The following RIN3 variants were observed in gnomAD, a reference collection of about 807,000 sequenced individuals.
RIN3 encodes the protein RAB5 interacting protein 3.
Under a neutral mutation model 76.3 loss-of-function variants are expected in RIN3, and 54 were observed. That is an observed-to-expected ratio of 0.71 (90% CI 0.57 to 0.89). The LOEUF is 0.89. Ranked by LOEUF, RIN3 falls within the 40% of genes least tolerant of loss-of-function variation. The pLI, the probability that RIN3 is intolerant of heterozygous loss-of-function variation, is 0.00. For synonymous variants in RIN3, 576 were observed against 564.0 expected, an observed-to-expected ratio of 1.02 and a Z score of -0.30; for missense variants, 1,256 against 1,322.1, an observed-to-expected ratio of 0.95 and a Z score of 0.78.
intron 1 of RIN3, among the ~76,000 whole-genome samples, chr14:92,538,458 C>G (rs1181347048): frequency 1.3e-5 from 2 of 152,202 alleles, no homozygotes; most frequent in African/African-American, 2.4e-5. Context: ...CTTGGGCACA[C>G]TGTGGTAGAT....
chr14:92,529,943 C>T (rs1896840940), intron 1 of RIN3, among the ~76,000 whole-genome samples: 1 of 152,158 alleles, frequency 6.6e-6, no homozygotes, highest in Admixed American at 6.5e-5. Flanking sequence ...CAGAGACACA[C>T]ATAAAACAAG....
intron 1 of RIN3, among the ~76,000 whole-genome samples, chr14:92,551,254 T>TG (rs916651501): frequency 5.9e-5 from 9 of 152,202 alleles, no homozygotes; most frequent in Non-Finnish European, 1.0e-4. Flanking sequence ...ATAATGCTTC[T>TG]GAGATTCGTT....
Position 92,688,033 on chromosome 14 carries a change from C to T in RIN3, c.2739C>T (p.Phe913=), listed in dbSNP as rs374034469. Residue 913 remains phenylalanine, a synonymous_variant, in exon 10 of 10, where the codon TTC becomes TTT. Transcript: ENST00000216487. ...TGTGCGCGCAGTGCGCGGAGAAGTT[C>T]GCGGTGGAGCGGCCGCAGGCGCACC... is the stretch of plus-strand genomic sequence containing the variant. ...QALCAQCAEK[F]AVERPQAHRL... The T allele has an allele frequency of 3.1e-6, 5 of 1,594,014 alleles. No individual in the cohort carries two copies. Among genetic ancestry groups the T allele is most frequent in the Admixed American group, 1.7e-5 (1 of 57,402 alleles).
intron 3 of RIN3, among the ~76,000 whole-genome samples, chr14:92,600,553 T>C (rs932747816): frequency 3.3e-5 from 5 of 152,248 alleles, no homozygotes; most frequent in African/African-American, 1.2e-4. Flanking sequence ...GTCTCTGCAC[T>C]GCTGGTGAAG....
intron 2 of RIN3, among the ~76,000 whole-genome samples, chr14:92,556,413 T>G (rs1422208546): frequency 3.3e-5 from 5 of 152,194 alleles, no homozygotes; most frequent in Non-Finnish European, 5.9e-5. Context: ...AAAAGATGTT[T>G]TGGAGGTCAG....
chr14:92,579,641 CAG>C (rs1898373418), intron 3 of RIN3, among the ~76,000 whole-genome samples: 1 of 152,234 alleles, frequency 6.6e-6, no homozygotes, highest in South Asian at 2.1e-4. Context: ...CAGCTAGCAG[CAG>C]AGTGACAACA....
chr14:92,679,379 G>A (rs1435609335), intron 8 of RIN3, among the ~76,000 whole-genome samples: 1 of 152,244 alleles, frequency 6.6e-6, no homozygotes, highest in Non-Finnish European at 1.5e-5. Context: ...CCAGCAAGGG[G>A]GGTGGGTGGC....
At chr14:92,561,755 G>A (rs562920325) in intron 2 of RIN3, among the ~76,000 whole-genome samples, 2 of 152,272 alleles carry the variant, frequency 1.3e-5, no homozygotes, top group South Asian at 2.1e-4. Context: ...CGCGATCATG[G>A]CTCACTGCAG....
At chr14:92,587,799 A>C (rs1485019060) in intron 3 of RIN3, among the ~76,000 whole-genome samples, 1 of 152,122 alleles carries the variant, frequency 6.6e-6, no homozygotes, top group Non-Finnish European at 1.5e-5. Context: ...GGGTTTGGAT[A>C]ATCTTGGCTC....
At chr14:92,596,916 G>GA (rs1426919775) in intron 3 of RIN3, among the ~76,000 whole-genome samples, 1 of 152,228 alleles carries the variant, frequency 6.6e-6, no homozygotes, top group African/African-American at 2.4e-5. Flanking sequence ...CTGATTGTGT[G>GA]AATCTCTTCC....
chr14:92,625,033 G>A lies in RIN3; in HGVS notation c.440+9554G>A, dbSNP rs750967533. On this transcript the variant is annotated intron_variant, in intron 4 of 9. Transcript: ENST00000216487. ...ATGGACTGGAAACTCAAGAGGCAGCGTTTGCGCTAAGAGACCTTTAGTCCT... is the reference window on the plus strand; with the variant it reads ...ATGGACTGGAAACTCAAGAGGCAGCATTTGCGCTAAGAGACCTTTAGTCCT... Among the ~76,000 whole-genome samples the A allele has an allele frequency of 6.6e-5, 10 of 152,222 alleles. 1 individual carries two copies. Among genetic ancestry groups the A allele is most frequent in the Admixed American group, 1.3e-4 (2 of 15,292 alleles).
At position 92,653,041 on chromosome 14, in the gene RIN3, G is replaced by T. The variant is rs116611044; in HGVS notation, c.1992G>T (p.Leu664=). The T allele has an allele frequency of 7.4e-4, 1,188 of 1,608,076 alleles. 12 individuals carry two copies. In the African/African-American group the frequency reaches 0.014, roughly 19 times the overall value. The change falls in exon 6 of 10, where the codon CTG becomes CTT. Residue 664 remains leucine (L), a synonymous_variant. Transcript: ENST00000216487. ...YLLQSTELKA[L]VDPALHSEEE... ...TGCAGAGCACCGAGCTCAAGGCCCT[G>T]GTGGACCCCGCCCTGCACTCCGAGG...
At chr14:92,569,280 C>T (rs550159121) in intron 2 of RIN3, among the ~76,000 whole-genome samples, 8 of 152,276 alleles carry the variant, frequency 5.3e-5, no homozygotes, top group African/African-American at 1.4e-4. Flanking sequence ...AAACCAGCTG[C>T]GGGTGGGGTG....
chr14:92,515,385 C>G (rs1347703423), intron 1 of RIN3: 3 of 584,254 alleles, frequency 5.1e-6, no homozygotes, highest in Non-Finnish European at 9.1e-6. Context: ...TCACCGGCTT[C>G]TCATTTTCCC....
At chr14:92,625,930 G>A (rs1376962669) in intron 4 of RIN3, among the ~76,000 whole-genome samples, 1 of 152,094 alleles carries the variant, frequency 6.6e-6, no homozygotes, top group South Asian at 2.1e-4. Context: ...TCTAGTTTCT[G>A]CAACTTCTTT....
chr14:92,621,389 C>T (rs2140109808), intron 4 of RIN3, among the ~76,000 whole-genome samples: 1 of 152,262 alleles, frequency 6.6e-6, no homozygotes, highest in East Asian at 1.9e-4. Flanking sequence ...TGACCCAGCC[C>T]TCAGGAGGTC....
At chr14:92,523,963 T>G (rs1210223626) in intron 1 of RIN3, among the ~76,000 whole-genome samples, 2 of 152,062 alleles carry the variant, frequency 1.3e-5, no homozygotes, top group Middle Eastern at 3.4e-3. Context: ...GAGGCTGAGG[T>G]GGGAGGATCT....
chr14:92,664,345 T>A (rs574131245), intron 7 of RIN3, among the ~76,000 whole-genome samples: 2 of 149,688 alleles, frequency 1.3e-5, no homozygotes, highest in East Asian at 4.0e-4. Context: ...CTCCGCTTCA[T>A]CATTTTCTTT....
rs555963915 is a variant in RIN3 at position 92,570,391 on chromosome 14, G to A, written c.250-6969G>A. 3.3e-3 allele frequency among the ~76,000 whole-genome samples: 500 copies of A among 152,248 alleles called. 3 individuals carry two copies. Among genetic ancestry groups the A allele is most frequent in the Non-Finnish European group, 6.0e-3 (411 of 68,004 alleles). ...AACTAATGACATTCAGGCCAGGCGC[G>A]GTGGCTCACGCCTGTAATCCCAGCA... is the stretch of plus-strand genomic sequence containing the variant. On this transcript the variant is annotated intron_variant, in intron 2 of 9. Transcript: ENST00000216487.
Sources: gnomAD v4.1 joint callset for allele counts (sites outside exome capture counted in the v4.1 genomes callset) on GRCh38, gnomAD v4.1.1 for gene constraint, MANE v1.5 for transcripts, NCBI Gene and HGNC (gene_info 2026-07-23, HGNC 2026-07-21) for gene names.